Variants in IL1RAPL2 observed in about 807,000 individuals in gnomAD.
IL1RAPL2 encodes X-linked interleukin-1 receptor accessory protein-like 2.
A neutral mutation model predicts 44.1 loss-of-function variants in IL1RAPL2; 3 were observed. That is an observed-to-expected ratio of 0.07 (90% confidence interval 0.03 to 0.18). The LOEUF is 0.18. Ranked by LOEUF, IL1RAPL2 falls within the 10% of genes least tolerant of loss-of-function variation. The pLI, the probability that IL1RAPL2 is intolerant of heterozygous loss-of-function variation, is 1.00. For missense variants in IL1RAPL2, 391 were observed against 496.4 expected, an observed-to-expected ratio of 0.79 and a Z score of 2.02; for synonymous variants, 181 against 178.8, an observed-to-expected ratio of 1.01 and a Z score of -0.10.
intron 2 of IL1RAPL2, among the ~76,000 whole-genome samples, chrX:104,810,379 C>T (rs1221477704): frequency 1.8e-5 from 2 of 110,409 alleles, no homozygotes; most frequent in East Asian, 2.8e-4. Context: ...CTAACCTGCA[C>T]ATTGTGCACA....
At chrX:104,819,123 A>G (rs1345482069) in intron 2 of IL1RAPL2, among the ~76,000 whole-genome samples, 1 of 112,306 alleles carries the variant, frequency 8.9e-6, no homozygotes, top group South Asian at 3.7e-4. Context: ...AACAAAGGCA[A>G]AAAAATGTGG....
intron 6 of IL1RAPL2, among the ~76,000 whole-genome samples, chrX:105,644,469 G>A (rs955953631): frequency 2.7e-5 from 3 of 111,071 alleles, no homozygotes; most frequent in African/African-American, 9.8e-5. Flanking sequence ...TTCAGGAATC[G>A]TTTCTGCTAA....
At chrX:105,723,054 T>A (rs1271053552) in intron 7 of IL1RAPL2, among the ~76,000 whole-genome samples, 1 of 111,682 alleles carries the variant, frequency 9.0e-6, no homozygotes, top group African/African-American at 3.3e-5. Context: ...TGATTATAAA[T>A]TTTATCTTTA....
chrX:104,937,406 C>T (rs1925054426), intron 2 of IL1RAPL2, among the ~76,000 whole-genome samples: 5 of 112,145 alleles, frequency 4.5e-5, no homozygotes, highest in Non-Finnish European at 5.6e-5. Flanking sequence ...ACAGAGCTTT[C>T]AGAGTCTTCT....
chrX:105,700,310 C>T (rs1227931039), intron 6 of IL1RAPL2, among the ~76,000 whole-genome samples: 1 of 111,879 alleles, frequency 8.9e-6, no homozygotes, highest in Non-Finnish European at 1.9e-5. Context: ...CTATTTTAAG[C>T]TTAAATTATT....
chrX:104,845,755 AT>A (rs960756580), intron 2 of IL1RAPL2, among the ~76,000 whole-genome samples: 2 of 111,878 alleles, frequency 1.8e-5, no homozygotes, highest in African/African-American at 6.5e-5. Flanking sequence ...CTCCATTTTG[AT>A]TATGACAATT....
Position 104,604,996 on chromosome X carries a change from C to A in IL1RAPL2, c.-20+37945C>A, listed in dbSNP as rs752351073. On this transcript the variant is annotated intron_variant, in intron 1 of 10. Transcript: ENST00000372582. ...ATAGACATCTACAGAACTCTCCACCCCAAATCAACAGAATATACATTCTTC... is the reference window on the plus strand; with the variant it reads ...ATAGACATCTACAGAACTCTCCACCACAAATCAACAGAATATACATTCTTC... 3.6e-5 allele frequency among the ~76,000 whole-genome samples: 4 copies of A among 111,505 alleles called. No individual in the cohort carries two copies. The South Asian group carries it at 1.5e-3, about 42-fold the overall frequency.
chrX:105,669,384 G>A (rs777082034), intron 6 of IL1RAPL2, among the ~76,000 whole-genome samples: 4 of 111,151 alleles, frequency 3.6e-5, no homozygotes, highest in Non-Finnish European at 7.5e-5. Flanking sequence ...ATTATGTATA[G>A]AAAATCCTGG....
intron 2 of IL1RAPL2, among the ~76,000 whole-genome samples, chrX:104,827,103 T>C (rs1461699838): frequency 9.1e-6 from 1 of 110,092 alleles, no homozygotes; most frequent in Non-Finnish European, 1.9e-5. Context: ...TGACTTTTAA[T>C]TGGGGCATTT....
At chrX:105,248,797 C>A (rs1046280820) in intron 4 of IL1RAPL2, among the ~76,000 whole-genome samples, 2 of 111,487 alleles carry the variant, frequency 1.8e-5, no homozygotes, top group African/African-American at 6.5e-5. Context: ...AATGAGATAT[C>A]ATTTCACTCC....
intron 3 of IL1RAPL2, among the ~76,000 whole-genome samples, chrX:105,216,433 T>C (rs1334271198): frequency 3.6e-5 from 4 of 110,649 alleles, no homozygotes; most frequent in Non-Finnish European, 7.6e-5. Flanking sequence ...TACAAACCAC[T>C]GCTCAAGAGA....
At chrX:105,254,443 C>G (rs903143720) in intron 4 of IL1RAPL2, among the ~76,000 whole-genome samples, 1 of 111,986 alleles carries the variant, frequency 8.9e-6, no homozygotes, top group African/African-American at 3.2e-5. Context: ...CTTATAGATG[C>G]TGGATATTAG....
At chrX:104,606,624 C>T (rs1038672886) in intron 1 of IL1RAPL2, among the ~76,000 whole-genome samples, 81 of 111,750 alleles carry the variant, frequency 7.2e-4, no homozygotes, top group Non-Finnish European at 8.5e-4. Context: ...AGCAAAGTCT[C>T]AGGATACAAA....
intron 2 of IL1RAPL2, among the ~76,000 whole-genome samples, chrX:104,881,012 A>G (rs892747107): frequency 8.9e-6 from 1 of 111,769 alleles, no homozygotes; most frequent in African/African-American, 3.2e-5. Context: ...TAACAGCACT[A>G]CACCCTTTTA....
intron 6 of IL1RAPL2, among the ~76,000 whole-genome samples, chrX:105,560,834 AATAC>A (rs1456511505): frequency 2.7e-5 from 3 of 109,677 alleles, no homozygotes; most frequent in Non-Finnish European, 5.7e-5. Flanking sequence ...ATATATATAT[AATAC>A]ATATATATTT....
chrX:104,896,534 C>G (rs919925142), intron 2 of IL1RAPL2, among the ~76,000 whole-genome samples: 1 of 111,493 alleles, frequency 9.0e-6, no homozygotes, highest in African/African-American at 3.3e-5. Flanking sequence ...TGGGTGGAGA[C>G]TTGGAGAGCT....
chrX:105,532,058 T>A (rs2036641308), intron 6 of IL1RAPL2, among the ~76,000 whole-genome samples: 1 of 112,079 alleles, frequency 8.9e-6, no homozygotes, highest in Admixed American at 9.5e-5. Flanking sequence ...GAACACAGTG[T>A]TTCAGACTCA....
chrX:105,116,523 T>C (rs2032864087), intron 2 of IL1RAPL2, among the ~76,000 whole-genome samples: 1 of 99,966 alleles, frequency 1.0e-5, no homozygotes, highest in African/African-American at 5.0e-5. Flanking sequence ...CATTTATCAA[T>C]GGGAATAGTC....
chrX:104,939,160 A>G (rs916899987), intron 2 of IL1RAPL2, among the ~76,000 whole-genome samples: 7 of 107,577 alleles, frequency 6.5e-5, no homozygotes, highest in Non-Finnish European at 1.3e-4. Flanking sequence ...GGATTCAAGC[A>G]ATCCTCCTGC....
Sources: gnomAD v4.1 joint callset for allele counts (sites outside exome capture counted in the v4.1 genomes callset) on GRCh38, gnomAD v4.1.1 for gene constraint, MANE v1.5 for transcripts, NCBI Gene and HGNC (gene_info 2026-07-23, HGNC 2026-07-21) for gene names.